The following SPTBN4 variants were observed in gnomAD, a reference collection of about 807,000 sequenced individuals.
The protein encoded by SPTBN4 is spectrin beta, non-erythrocytic 4, also known as spectrin beta chain, non-erythrocytic 4.
In SPTBN4, 96 loss-of-function variants were observed where a neutral mutation model predicts 277.8. The observed-to-expected ratio is 0.35, with a 90% confidence interval of 0.29 to 0.41. The LOEUF is 0.41. Ranked by LOEUF, SPTBN4 falls within the 10% of genes least tolerant of loss-of-function variation. SPTBN4 has a pLI of 1.00. For synonymous variants in SPTBN4, 1,481 were observed against 1,580.3 expected (o/e 0.94, Z 1.49); for missense variants, 3,006 against 3,595.7 (o/e 0.84, Z 4.19).
chr19:40,532,454 C>T (rs1036027031), intron 18 of SPTBN4, among the ~76,000 whole-genome samples, 171 bp from the exon 19 acceptor site: 2 of 152,008 alleles, frequency 1.3e-5, no homozygotes, highest in East Asian at 3.9e-4. Context: ...GCTTGAGCTG[C>T]ACCCACCCCC....
Position 40,554,883 on chromosome 19 carries a change from G to C in SPTBN4, c.5084+237G>C, listed in dbSNP as rs115517116. ...TGAGTGTAGTAGTGGGGACCTTGTC[G>C]GGGGAGAAAAGAGTAGGCGATGTCT... On this transcript the variant is annotated intron_variant, in intron 24 of 35. Transcript: ENST00000598249. The surrounding 1 kb of genome is among the most constrained non-coding windows in gnomAD (Gnocchi z 5.7). 403 of 530,998 alleles carry C rather than the reference G, an allele frequency of 7.6e-4. No individual in the cohort carries two copies. The highest frequency in any genetic ancestry group is 7.0e-3 in the African/African-American group (357 of 51,316). The allele number at this position is 530,998 out of a possible 1,614,324, so 32.9% of individuals were successfully genotyped here.
At chr19:40,489,420 C>T (rs1297144387) in intron 3 of SPTBN4, among the ~76,000 whole-genome samples, 1 of 151,742 alleles carries the variant, frequency 6.6e-6, no homozygotes, top group Non-Finnish European at 1.5e-5. Context: ...AAGTCTCGCT[C>T]CCTCACCCAG....
intron 2 of SPTBN4, among the ~76,000 whole-genome samples, chr19:40,483,238 G>A (rs1447391560): frequency 6.6e-6 from 1 of 151,874 alleles, no homozygotes; most frequent in African/African-American, 2.4e-5. Context: ...ACCACTCTAG[G>A]GATGCACTAA....
intron 35 of SPTBN4, among the ~76,000 whole-genome samples, chr19:40,574,523 G>A (rs997133910): frequency 3.3e-5 from 5 of 151,878 alleles, no homozygotes; most frequent in Non-Finnish European, 5.9e-5. Flanking sequence ...CACCATGCCC[G>A]GCTAATTTAT....
intron 13 of SPTBN4, among the ~76,000 whole-genome samples, chr19:40,508,350 C>G (rs1267251175): frequency 6.6e-6 from 1 of 152,180 alleles, no homozygotes; most frequent in Non-Finnish European, 1.5e-5. Context: ...TTTGGTGGCT[C>G]TTTACACCCA....
At chr19:40,489,288 A>G (rs544752620) in intron 3 of SPTBN4, among the ~76,000 whole-genome samples, 1 of 152,070 alleles carries the variant, frequency 6.6e-6, no homozygotes, top group South Asian at 2.1e-4. Context: ...TGAGCCATAA[A>G]CAAGGGGAAG....
At chr19:40,544,359 G>A (rs2080834908) in intron 20 of SPTBN4, among the ~76,000 whole-genome samples, 1 of 149,156 alleles carries the variant, frequency 6.7e-6, no homozygotes, top group Non-Finnish European at 1.5e-5. Context: ...GGCCAGCATG[G>A]TGTCTATCTC....
rs913704228 is a variant in SPTBN4 at position 40,542,305 on chromosome 19, G to C, written c.4360-6884G>C. ...CTCCTTGTGTCCTCTCCCTCATCCC[G>C]TACCACACCCGCTGCTGCAGCAGGC... On this transcript the variant is annotated intron_variant, in intron 20 of 35. Coordinates refer to ENST00000598249, the MANE Select transcript of SPTBN4 (RefSeq NM_020971.3). Among the ~76,000 whole-genome samples the C allele has an allele frequency of 3.9e-5, 6 of 152,014 alleles. 1 individual carries two copies. In the East Asian group the frequency reaches 5.8e-4, roughly 15 times the overall value.
intron 22 of SPTBN4, among the ~76,000 whole-genome samples, chr19:40,553,195 G>C (rs2080937781): frequency 6.6e-6 from 1 of 152,194 alleles, no homozygotes; most frequent in Non-Finnish European, 1.5e-5. Flanking sequence ...AGAATCGTTG[G>C]CTGGCCGGGC....
intron 31 of SPTBN4, among the ~76,000 whole-genome samples, chr19:40,568,952 C>G (rs1406931556): frequency 2.0e-5 from 3 of 152,068 alleles, no homozygotes; most frequent in Non-Finnish European, 4.4e-5. Context: ...CTGAGTCGAG[C>G]GGTGACTGAA....
At chr19:40,527,434 G>T (rs1260835630) in intron 17 of SPTBN4, among the ~76,000 whole-genome samples, 1 of 152,186 alleles carries the variant, frequency 6.6e-6, no homozygotes, top group Non-Finnish European at 1.5e-5. Context: ...TCATGGAAAT[G>T]ATATATCCTA....
intron 22 of SPTBN4, among the ~76,000 whole-genome samples, chr19:40,553,913 C>G (rs898761394): frequency 6.6e-6 from 1 of 152,204 alleles, no homozygotes; most frequent in Non-Finnish European, 1.5e-5. Context: ...GCTGCTTGTT[C>G]TTGGGCGCCG....
At chr19:40,501,162 T>C (rs751416353) in intron 7 of SPTBN4, among the ~76,000 whole-genome samples, 3 of 151,264 alleles carry the variant, frequency 2.0e-5, no homozygotes, top group Non-Finnish European at 2.9e-5. Flanking sequence ...TGCTTGAACC[T>C]AGGAGCTCGA....
intron 13 of SPTBN4, among the ~76,000 whole-genome samples, chr19:40,508,075 C>CA (rs1287403307): frequency 6.6e-6 from 1 of 152,192 alleles, no homozygotes; most frequent in Admixed American, 6.5e-5. Context: ...ATTGCTCAGC[C>CA]AATCATTGTG....
chr19:40,534,194 C>T lies in SPTBN4; in HGVS notation c.4210C>T (p.Arg1404Trp), dbSNP rs375296522. 403 of 1,613,742 alleles carry T rather than the reference C, an allele frequency of 2.5e-4. 1 individual carries two copies. Among genetic ancestry groups the T allele is most frequent in the South Asian group, 7.6e-4 (69 of 91,008 alleles). The change falls in exon 20 of 36, where the codon CGG (arginine) becomes TGG (tryptophan). Residue 1404 changes from arginine (R) to tryptophan (W), a missense_variant. This residue lies in a region of SPTBN4 where 1,759 missense variants were observed against 2,061.5 expected (regional missense o/e 0.85). Transcript: ENST00000598249. ...ELESTTQAKARQLFEASKADQ... is the reference protein window; with the variant it reads ...ELESTTQAKAWQLFEASKADQ... Reference sequence around the variant, plus strand: ...GGAGAGCACCACCCAGGCCAAGGCACGGCAGCTCTTTGAGGCCAGCAAAGC... The same window carrying T: ...GGAGAGCACCACCCAGGCCAAGGCATGGCAGCTCTTTGAGGCCAGCAAAGC...
chr19:40,521,493 T>A (rs2080525989), intron 16 of SPTBN4, among the ~76,000 whole-genome samples: 1 of 152,066 alleles, frequency 6.6e-6, no homozygotes, highest in Non-Finnish European at 1.5e-5. Flanking sequence ...CAGCGACAGA[T>A]CATCGGGCAT....
intron 29 of SPTBN4, 56 bp from the exon 30 acceptor site, chr19:40,566,106 GC>G: frequency 7.0e-7 from 1 of 1,438,312 alleles, no homozygotes. Context: ...AACAGCCATT[GC>G]CCCCAGGAAG....
At chr19:40,553,082 G>A (rs1392435320) in intron 22 of SPTBN4, among the ~76,000 whole-genome samples, 1 of 152,172 alleles carries the variant, frequency 6.6e-6, no homozygotes, top group Non-Finnish European at 1.5e-5. Context: ...AGATGGTAAT[G>A]TTGTCTGGCT....
At chr19:40,524,408 G>C (rs758408554) in intron 17 of SPTBN4, 3 of 265,508 alleles carry the variant, frequency 1.1e-5, no homozygotes, top group Non-Finnish European at 2.3e-5. Flanking sequence ...TCTTGAGGCT[G>C]AGATGGGAGG....
Sources: allele counts gnomAD v4.1 joint callset (sites outside exome capture counted in the v4.1 genomes callset), GRCh38; gene constraint gnomAD v4.1.1; regional missense constraint gnomAD v4.1.1; non-coding constraint Gnocchi (gnomAD v3.1); transcripts MANE v1.5; gene names NCBI Gene and HGNC (gene_info 2026-07-23, HGNC 2026-07-21).